Variants in CRTAC1 observed in about 807,000 individuals in gnomAD.
CRTAC1 encodes cartilage acidic protein 1.
In CRTAC1, 37 loss-of-function variants were observed where a neutral mutation model predicts 67.8. The ratio of observed to expected loss-of-function variants is 0.55; its 90% CI spans 0.42 to 0.72. The LOEUF (loss-of-function observed/expected upper bound fraction) is 0.72, where lower values mean the gene tolerates loss of function less well. Among genes scored for constraint, CRTAC1 ranks in the 30% least tolerant of loss-of-function variants. CRTAC1 has a pLI of 0.00. For missense variants in CRTAC1, 780 were observed against 931.6 expected (o/e 0.84, Z 2.12); for synonymous variants, 348 against 371.0 (o/e 0.94, Z 0.71).
At chr10:97,939,851 T>G (rs1304330280) in intron 2 of CRTAC1, among the ~76,000 whole-genome samples, 1 of 152,132 alleles carries the variant, frequency 6.6e-6, no homozygotes, top group African/African-American at 2.4e-5. Flanking sequence ...TGACCTTCTC[T>G]TCTCTGGAAA....
chr10:97,986,416 C>T (rs1002592656), intron 2 of CRTAC1, among the ~76,000 whole-genome samples: 3 of 152,190 alleles, frequency 2.0e-5, no homozygotes, highest in Non-Finnish European at 4.4e-5. Flanking sequence ...CGTGAGATGT[C>T]AATGTTATCT....
At position 97,999,148 on chromosome 10, in the gene CRTAC1, C is replaced by T. The variant is rs1275181045; in HGVS notation, c.224+11990G>A. Among the ~76,000 whole-genome samples the T allele has an allele frequency of 7.2e-5, 11 of 152,240 alleles. No homozygotes were observed. In the East Asian group the frequency reaches 2.1e-3, roughly 29 times the overall value. On this transcript the variant is annotated intron_variant, in intron 2 of 14. Coordinates refer to ENST00000370597, the MANE Select transcript of CRTAC1 (RefSeq NM_018058.7). ...GGCAGGAGCCCTGCCCTCCCAGGCA[C>T]AGCTGCAGCTGCCCAAACCTGGGGC...
chr10:97,868,077 A>G (rs2050049432), intron 14 of CRTAC1: 1 of 152,244 alleles, frequency 6.6e-6, no homozygotes, highest in South Asian at 2.1e-4. Flanking sequence ...CAGGTCACTC[A>G]GTACTGAAGA....
chr10:97,997,636 T>C (rs937586795), intron 2 of CRTAC1, among the ~76,000 whole-genome samples: 7 of 152,080 alleles, frequency 4.6e-5, no homozygotes, highest in Non-Finnish European at 5.9e-5. Flanking sequence ...ATTATAACTA[T>C]GTATGAAATA....
chr10:97,889,686 G>A (rs1010872412), intron 11 of CRTAC1, among the ~76,000 whole-genome samples: 2 of 152,110 alleles, frequency 1.3e-5, no homozygotes, highest in African/African-American at 4.8e-5. Flanking sequence ...AGATGCACAC[G>A]TGTACACACT....
chr10:97,878,802 C>T (rs558741483), intron 14 of CRTAC1: 1 of 965,104 alleles, frequency 1.0e-6, no homozygotes, highest in East Asian at 6.3e-5. Context: ...TTGTCATCTA[C>T]ATTAGGGAAA....
intron 2 of CRTAC1, among the ~76,000 whole-genome samples, chr10:98,006,188 C>G (rs1411762863): frequency 2.0e-5 from 3 of 152,222 alleles, no homozygotes; most frequent in Non-Finnish European, 4.4e-5. Context: ...AACAGGAATT[C>G]CTTTCCAGAA....
At chr10:97,938,413 GCA>G (rs2051122874) in intron 2 of CRTAC1, among the ~76,000 whole-genome samples, 1 of 152,148 alleles carries the variant, frequency 6.6e-6, no homozygotes, top group African/African-American at 2.4e-5. Flanking sequence ...ACCCTCATAT[GCA>G]CAGTCTCACT....
intron 2 of CRTAC1, among the ~76,000 whole-genome samples, chr10:97,938,402 C>T (rs2051122613): frequency 6.6e-6 from 1 of 152,154 alleles, no homozygotes; most frequent in East Asian, 1.9e-4. Context: ...TTGTTAAAAG[C>T]ACCCTCATAT....
intron 4 of CRTAC1, among the ~76,000 whole-genome samples, chr10:97,920,247 G>A (rs2050817674): frequency 6.6e-6 from 1 of 152,220 alleles, no homozygotes. Flanking sequence ...CACTCTGCTA[G>A]AAATTAGGAT....
At chr10:97,886,312 C>T (rs1366923445) in intron 11 of CRTAC1, among the ~76,000 whole-genome samples, 1 of 152,240 alleles carries the variant, frequency 6.6e-6, no homozygotes, top group East Asian at 1.9e-4. Context: ...CTTGCTGCTG[C>T]CATGCTGTGA....
chr10:97,969,677 A>G (rs1054237447), intron 2 of CRTAC1, among the ~76,000 whole-genome samples: 5 of 152,110 alleles, frequency 3.3e-5, no homozygotes, highest in African/African-American at 1.2e-4. Context: ...GGACGACCCC[A>G]CAGAGCCATT....
At chr10:97,963,089 G>C (rs1245209429) in intron 2 of CRTAC1, among the ~76,000 whole-genome samples, 1 of 151,930 alleles carries the variant, frequency 6.6e-6, no homozygotes, top group East Asian at 1.9e-4. Context: ...CTGAAATCTA[G>C]GCACAAGCAA....
intron 2 of CRTAC1, among the ~76,000 whole-genome samples, chr10:97,990,760 A>T (rs1283842592): frequency 2.0e-5 from 3 of 152,230 alleles, no homozygotes; most frequent in African/African-American, 7.2e-5. Context: ...GTAGCTTAAT[A>T]AAAGAATGAG....
chr10:98,020,686 T>C lies in CRTAC1; in HGVS notation c.25-9349A>G, dbSNP rs562627642. 2.6e-5 allele frequency among the ~76,000 whole-genome samples: 4 copies of C among 152,346 alleles called. No homozygotes were observed. In the East Asian group the frequency reaches 7.7e-4, roughly 29 times the overall value. ...CCAGAGGAACAAGGTGGAGAGAGTG[T>C]TCCAGGCTGAGGGGAGCAGGTGCAT... is the stretch of plus-strand genomic sequence containing the variant. On this transcript the variant is annotated intron_variant, in intron 1 of 14. Transcript: ENST00000370597.
intron 2 of CRTAC1, among the ~76,000 whole-genome samples, chr10:97,950,284 G>GAA (rs1311575077): frequency 6.6e-6 from 1 of 151,656 alleles, no homozygotes; most frequent in African/African-American, 2.4e-5. Flanking sequence ...GAGAGAGAGA[G>GAA]AGAGAGTATG....
intron 7 of CRTAC1, among the ~76,000 whole-genome samples, 183 bp downstream of exon 7, chr10:97,904,486 A>G (rs1481353381): frequency 1.3e-5 from 2 of 152,088 alleles, no homozygotes; most frequent in African/African-American, 2.4e-5. Flanking sequence ...CAGTAGCACG[A>G]TCTCAGCTCA....
intron 2 of CRTAC1, among the ~76,000 whole-genome samples, chr10:97,941,558 A>T (rs998909141): frequency 2.0e-5 from 3 of 151,298 alleles, no homozygotes; most frequent in African/African-American, 7.3e-5. Context: ...TGACCACTCC[A>T]CCCCTCCCTC....
chr10:97,884,926 A>T (rs2050260429), intron 11 of CRTAC1, among the ~76,000 whole-genome samples: 1 of 152,244 alleles, frequency 6.6e-6, no homozygotes, highest in Admixed American at 6.5e-5. Flanking sequence ...CTGTGCAGCT[A>T]ACTGGCTTTG....
Sources: allele counts gnomAD v4.1 joint callset (sites outside exome capture counted in the v4.1 genomes callset), GRCh38; gene constraint gnomAD v4.1.1; transcripts MANE v1.5; gene names NCBI Gene and HGNC (gene_info 2026-07-23, HGNC 2026-07-21).